MTUS1: variants seen among roughly 807,000 people sequenced by gnomAD.
The protein encoded by MTUS1 is microtubule-associated tumor suppressor 1.
Under a neutral mutation model 120.8 loss-of-function variants are expected in MTUS1, and 109 were observed. That is an observed-to-expected ratio of 0.90 (90% CI 0.77 to 1.06). MTUS1 has a LOEUF of 1.06. Ranked by LOEUF, MTUS1 falls within the 50% of genes least tolerant of loss-of-function variation. MTUS1 has a pLI of 0.00. For missense variants in MTUS1, 2,210 were observed against 1,486.3 expected, an observed-to-expected ratio of 1.49 and a Z score of -8.01; for synonymous variants, 737 against 550.5, an observed-to-expected ratio of 1.34 and a Z score of -4.74.
chr8:17,748,003 C>G (rs1238708999), intron 2 of MTUS1: 3 of 152,170 alleles, frequency 2.0e-5, no homozygotes, highest in East Asian at 3.9e-4. Context: ...ACCTGCCCCC[C>G]CATTATTCAA....
intron 3 of MTUS1, among the ~76,000 whole-genome samples, chr8:17,729,684 C>T (rs2046431333): frequency 6.6e-6 from 1 of 152,126 alleles, no homozygotes; most frequent in Non-Finnish European, 1.5e-5. Flanking sequence ...TCTGAACCTA[C>T]ATGTGATTGC....
At position 17,740,811 on chromosome 8, in the gene MTUS1, C is replaced by T. The variant is rs118181980; in HGVS notation, c.2287+2793G>A. Among the ~76,000 whole-genome samples, 230 of 152,274 alleles carry T rather than the reference C, an allele frequency of 1.5e-3. 6 individuals carry two copies. The East Asian group carries it at 0.041, about 27-fold the overall frequency. The stretch of plus-strand genomic sequence containing the variant: ...CCAGCAAGGGCCCTCTTCCTGGCAT[C>T]CAGATGGCCACATTCTCATTCTACC... On this transcript the variant is annotated intron_variant, in intron 3 of 14. Transcript: ENST00000693296.
At chr8:17,801,184 G>T (rs1009242620), upstream of MTUS1, among the ~76,000 whole-genome samples, 20 of 151,554 alleles carry the variant, frequency 1.3e-4, 1 homozygote, top group Non-Finnish European at 2.5e-4. Context: ...GTCTGCACCT[G>T]GGGGCGCGCG....
chr8:17,661,182 C>A (rs774609961), intron 8 of MTUS1, among the ~76,000 whole-genome samples: 4 of 152,126 alleles, frequency 2.6e-5, no homozygotes, highest in Non-Finnish European at 5.9e-5. Context: ...GAAGGCTCCT[C>A]GTGTGAATCT....
intron 8 of MTUS1, among the ~76,000 whole-genome samples, chr8:17,668,143 C>A (rs11203887): frequency 6.6e-6 from 1 of 152,054 alleles, no homozygotes; most frequent in Non-Finnish European, 1.5e-5. Flanking sequence ...TCACAGCCTG[C>A]ACGTGGCCCA....
At chr8:17,722,050 C>T in intron 4 of MTUS1, 2 of 1,307,802 alleles carry the variant, frequency 1.5e-6, no homozygotes, top group Non-Finnish European at 1.9e-6. Flanking sequence ...ATTAAACCAG[C>T]TAGCAAATCA....
Position 17,644,107 on chromosome 8 carries a change from C to G in MTUS1, c.*1819G>C, listed in dbSNP as rs1805359297. 1 of 152,208 alleles carries G rather than the reference C, an allele frequency of 6.6e-6. No individual in the cohort carries two copies. Among genetic ancestry groups the G allele is most frequent in the Non-Finnish European group, 1.5e-5 (1 of 68,050 alleles). The allele number at this position is 152,208 out of a possible 1,614,324, so 9.4% of individuals were successfully genotyped here. On this transcript the variant is annotated 3_prime_UTR_variant, in exon 15 of 15. Transcript: ENST00000693296. ...TTTACCATGCCTAGGGGATGAATGG[C>G]AAACCCAACTTTGGCTAATGTCATT...
chr8:17,689,967 G>A (rs1343706323), intron 6 of MTUS1, among the ~76,000 whole-genome samples: 5 of 152,070 alleles, frequency 3.3e-5, no homozygotes, highest in Admixed American at 6.6e-5. Context: ...ATTGGCCGAC[G>A]CAAGGAATTC....
intron 7 of MTUS1, among the ~76,000 whole-genome samples, chr8:17,679,480 AT>A (rs1813846675): frequency 1.1e-5 from 1 of 94,346 alleles, no homozygotes; most frequent in African/African-American, 3.3e-5. Flanking sequence ...TTCTCCAACT[AT>A]TTTTATTTTA....
intron 6 of MTUS1, among the ~76,000 whole-genome samples, chr8:17,701,400 C>T (rs954150051): frequency 6.6e-6 from 1 of 152,128 alleles, no homozygotes. Context: ...AATCAACTTC[C>T]ACCCACCTGT....
chr8:17,702,518 A>G (rs1219303375), intron 6 of MTUS1, among the ~76,000 whole-genome samples: 1 of 152,166 alleles, frequency 6.6e-6, no homozygotes, highest in Non-Finnish European at 1.5e-5. Context: ...CCCTTGCATA[A>G]CAAACCTTGT....
chr8:17,651,185 G>A (rs1381769740), intron 12 of MTUS1, among the ~76,000 whole-genome samples: 1 of 149,338 alleles, frequency 6.7e-6, no homozygotes, highest in Non-Finnish European at 1.5e-5. Context: ...GTATGCGTGT[G>A]TATGGTGGGA....
Position 17,655,897 on chromosome 8 carries a change from T to G in MTUS1, c.3074A>C (p.Glu1025Ala). 6.2e-7 allele frequency: 1 copy of G among 1,614,232 alleles called. No homozygotes were observed. Among genetic ancestry groups the G allele is most frequent in the Non-Finnish European group, 8.5e-7 (1 of 1,180,034 alleles). ...CAATTGCATTTTGTACTTCTCTGCT[T>G]CTTCAATGTAAGTGTCCCGAAGCTT... ...YEKLRDTYIE[E>A]AEKYKMQLQE... Residue 1025 changes from glutamate to alanine, a missense_variant, in exon 9 of 15, where the codon GAA (glutamate) becomes GCA (alanine). Transcript: ENST00000693296.
intron 2 of MTUS1, among the ~76,000 whole-genome samples, chr8:17,749,113 A>G (rs934908776): frequency 1.3e-5 from 2 of 152,198 alleles, no homozygotes; most frequent in Admixed American, 1.3e-4. Context: ...GGAGTCAGAC[A>G]TAATTATACT....
At chr8:17,668,101 A>ATCTTT (rs142468120) in intron 8 of MTUS1, among the ~76,000 whole-genome samples, 13,425 of 152,248 alleles carry the variant, frequency 0.088, 1,035 homozygotes, top group East Asian at 0.33. Context: ...ATACAAAATA[A>ATCTTT]TCTTCATTAA....
chr8:17,788,594 G>A (rs1309488601), intron 1 of MTUS1, among the ~76,000 whole-genome samples: 2 of 152,292 alleles, frequency 1.3e-5, no homozygotes, highest in East Asian at 3.9e-4. Flanking sequence ...AGGCTAGGAA[G>A]GATCATGTGC....
rs1288079433 is a variant in MTUS1 at position 17,754,208 on chromosome 8, G to C, written c.1600C>G (p.Pro534Ala). Residue 534 changes from proline to alanine, a missense_variant, in exon 2 of 15, where the codon CCT (proline) becomes GCT (alanine). Physicochemically the swap from Pro to Ala is conservative, Grantham distance 27. Coordinates refer to ENST00000693296, the MANE Select transcript of MTUS1 (RefSeq NM_001363059.2). ...GGTGATGAGGCACTGGTCTGCTGAGGTCTGGGCGTGACCTTTGATAAAGCA... is the reference window on the plus strand; with the variant it reads ...GGTGATGAGGCACTGGTCTGCTGAGCTCTGGGCGTGACCTTTGATAAAGCA... ...DAALSKVTPRPQQTSASSPSS... is the reference protein window; with the variant it reads ...DAALSKVTPRAQQTSASSPSS... The C allele has an allele frequency of 6.2e-7, 1 of 1,613,936 alleles. No homozygotes were observed. Among genetic ancestry groups the C allele is most frequent in the Non-Finnish European group, 8.5e-7 (1 of 1,180,032 alleles).
At chr8:17,648,705 G>A (rs1361465119) in intron 13 of MTUS1, among the ~76,000 whole-genome samples, 2 of 152,142 alleles carry the variant, frequency 1.3e-5, no homozygotes, top group African/African-American at 2.4e-5. Context: ...AAAACCAAAC[G>A]CCAAACCAAC....
At chr8:17,752,714 G>A (rs1177887260) in intron 2 of MTUS1, among the ~76,000 whole-genome samples, 8 of 152,018 alleles carry the variant, frequency 5.3e-5, no homozygotes, top group East Asian at 1.9e-4. Context: ...CTCTTGCCAC[G>A]AGCCCTCCAA....
Sources: allele counts gnomAD v4.1 joint callset (sites outside exome capture counted in the v4.1 genomes callset), GRCh38; gene constraint gnomAD v4.1.1; transcripts MANE v1.5; gene names NCBI Gene and HGNC (gene_info 2026-07-23, HGNC 2026-07-21).